Variants in STAB2 observed in about 807,000 individuals in gnomAD.
STAB2 encodes stabilin 2, also known as stabilin-2.
In STAB2, 288 loss-of-function variants were observed where a neutral mutation model predicts 338.1. That is an observed-to-expected ratio of 0.85 (90% CI 0.77 to 0.94). STAB2 has a LOEUF of 0.94. STAB2 is among the 40% of genes least tolerant of loss of function. The probability of loss-of-function intolerance (pLI) is 0.00; values close to 1 mark genes in which losing one functional copy is unlikely to be tolerated. For synonymous variants in STAB2, 1,202 were observed against 1,193.3 expected (o/e 1.01, Z -0.15); for missense variants, 3,141 against 3,210.1 (o/e 0.98, Z 0.52).
At chr12:103,651,409 G>A (rs1593183514) in intron 11 of STAB2, among the ~76,000 whole-genome samples, 2 of 151,768 alleles carry the variant, frequency 1.3e-5, no homozygotes, top group East Asian at 1.9e-4. Flanking sequence ...TGCCTTCCGG[G>A]TTCAAGCTAT....
intron 9 of STAB2, among the ~76,000 whole-genome samples, chr12:103,644,358 C>A (rs1449714035): frequency 1.3e-5 from 2 of 149,876 alleles, no homozygotes; most frequent in African/African-American, 4.9e-5. Flanking sequence ...GTCATCACCA[C>A]TCCCTAATCT....
At position 103,688,282 on chromosome 12, in the gene STAB2, T is replaced by C. The variant is rs1877615225; in HGVS notation, c.3045+67T>C. Reference sequence around the variant, plus strand: ...TTTTAGAAACTTGGAATGCATACAATAGAAAACCGAAAATGCAGCTGGTAA... The same window carrying C: ...TTTTAGAAACTTGGAATGCATACAACAGAAAACCGAAAATGCAGCTGGTAA... On this transcript the variant is annotated intron_variant, in intron 28 of 68. Coordinates refer to ENST00000388887, the MANE Select transcript of STAB2 (RefSeq NM_017564.10). 5 of 1,507,500 alleles carry C rather than the reference T, an allele frequency of 3.3e-6. No homozygotes were observed. The Admixed American group carries it at 8.4e-5, about 25-fold the overall frequency. 93.4% of individuals were successfully genotyped at this position (1,507,500 alleles called of 1,614,324 possible).
intron 60 of STAB2, 150 bp downstream of exon 60, chr12:103,750,870 C>A: frequency 9.1e-7 from 1 of 1,101,242 alleles, no homozygotes; most frequent in Non-Finnish European, 1.2e-6. Flanking sequence ...GCAGATGGAT[C>A]ACTTGAGGTC....
chr12:103,751,504 G>C (rs766129138), intron 60 of STAB2, among the ~76,000 whole-genome samples: 1 of 152,180 alleles, frequency 6.6e-6, no homozygotes, highest in Non-Finnish European at 1.5e-5. Context: ...AGCAGCTGGG[G>C]AGGGAAGGTG....
chr12:103,690,776 C>A (rs1272199106), intron 30 of STAB2, among the ~76,000 whole-genome samples: 5 of 152,128 alleles, frequency 3.3e-5, no homozygotes, highest in African/African-American at 1.2e-4. Flanking sequence ...ACTGATTGGC[C>A]ACAAGTCTTG....
intron 3 of STAB2, among the ~76,000 whole-genome samples, chr12:103,603,651 G>GTCC (rs1956986516): frequency 6.6e-6 from 1 of 152,126 alleles, no homozygotes; most frequent in African/African-American, 2.4e-5. Flanking sequence ...AGTAGTGTAA[G>GTCC]TCCTCCAACT....
Position 103,602,235 on chromosome 12 carries a change from T to C in STAB2, c.331+7725T>C, listed in dbSNP as rs539219604. ...TGTAACCAGTATGTACCTTTTTAAG[T>C]CTTGTTTCTTTCCCTTGGCATAATG... On this transcript the variant is annotated intron_variant, in intron 3 of 68. Coordinates refer to ENST00000388887, the MANE Select transcript of STAB2 (RefSeq NM_017564.10). Among the ~76,000 whole-genome samples, 4 of 152,336 alleles carry C rather than the reference T, an allele frequency of 2.6e-5. No individual in the cohort carries two copies. The South Asian group carries it at 8.3e-4, about 32-fold the overall frequency.
intron 52 of STAB2, among the ~76,000 whole-genome samples, chr12:103,736,396 A>G (rs577789446): frequency 6.6e-6 from 1 of 152,326 alleles, no homozygotes; most frequent in African/African-American, 2.4e-5. Flanking sequence ...TTCTGCATAC[A>G]TCTTATGACC....
At chr12:103,692,579 C>T (rs901308253) in intron 30 of STAB2, among the ~76,000 whole-genome samples, 3 of 151,212 alleles carry the variant, frequency 2.0e-5, no homozygotes, top group African/African-American at 7.3e-5. Flanking sequence ...TTTTCTTTCT[C>T]TCTCTCTCTC....
intron 6 of STAB2, among the ~76,000 whole-genome samples, chr12:103,634,734 C>T (rs894204504): frequency 3.9e-5 from 6 of 152,220 alleles, no homozygotes; most frequent in South Asian, 2.1e-4. Context: ...TCCTGGCTGG[C>T]GCCAGCTTCC....
chr12:103,683,898 CA>C (rs1593230942), intron 26 of STAB2, among the ~76,000 whole-genome samples: 3 of 152,126 alleles, frequency 2.0e-5, no homozygotes. Context: ...GCCTTAATCA[CA>C]GTGTTTGGAG....
intron 44 of STAB2, among the ~76,000 whole-genome samples, chr12:103,723,520 G>A (rs2139048613): frequency 6.6e-6 from 1 of 152,332 alleles, no homozygotes; most frequent in South Asian, 2.1e-4. Flanking sequence ...ATTTGGGTGG[G>A]AACACAGGCA....
Position 103,652,789 on chromosome 12 carries a change from G to A in STAB2, c.1407+84G>A, listed in dbSNP as rs1873843033. On this transcript the variant is annotated intron_variant, in intron 12 of 68. Transcript: ENST00000388887. The stretch of plus-strand genomic sequence containing the variant: ...TATCCTTCTCTCTCTTTTTGTTTGG[G>A]GTTTGTGAAAAATTACAAGGAAATT... The A allele has an allele frequency of 2.9e-6, 4 of 1,399,202 alleles. 1 individual carries two copies. In the South Asian group the frequency reaches 5.7e-5, roughly 20 times the overall value. 86.7% of individuals were successfully genotyped at this position (1,399,202 alleles called of 1,614,324 possible). A position where few individuals can be genotyped will look rare whatever the true frequency, so the allele number is the denominator to read the frequency against.
At chr12:103,633,204 C>G (rs1346743533) in intron 6 of STAB2, among the ~76,000 whole-genome samples, 1 of 152,128 alleles carries the variant, frequency 6.6e-6, no homozygotes, top group Non-Finnish European at 1.5e-5. Context: ...GCAGGAGACC[C>G]AGTCCAGAAG....
rs1441163535 is a variant in STAB2 at position 103,735,600 on chromosome 12, GT to G, written c.5550+21del. The stretch of plus-strand genomic sequence containing the variant: ...GACATCGTGAGTATCATCATGAAGG[GT>G]GGGCAGGGAGGGGTTAACACATTCA... On this transcript the variant is annotated intron_variant, in intron 52 of 68. Coordinates refer to ENST00000388887, the MANE Select transcript of STAB2 (RefSeq NM_017564.10). 2.7e-6 allele frequency: 4 copies of G among 1,479,956 alleles called. No individual in the cohort carries two copies. The highest frequency in any genetic ancestry group is 3.7e-6 in the Non-Finnish European group (4 of 1,070,566). 91.7% of individuals were successfully genotyped at this position (1,479,956 alleles called of 1,614,324 possible). A position where few individuals can be genotyped will look rare whatever the true frequency, so the allele number is the denominator to read the frequency against.
intron 3 of STAB2, among the ~76,000 whole-genome samples, chr12:103,602,644 A>AT (rs1395765304): frequency 6.6e-6 from 1 of 152,172 alleles, no homozygotes; most frequent in Non-Finnish European, 1.5e-5. Context: ...CTATAATCAG[A>AT]TTTTTTATAG....
chr12:103,754,345 T>C (rs949462519), intron 61 of STAB2, among the ~76,000 whole-genome samples: 4 of 152,120 alleles, frequency 2.6e-5, no homozygotes, highest in African/African-American at 9.7e-5. Context: ...TTAAAAGATC[T>C]GGAATAGTAG....
At chr12:103,654,332 G>A (rs1874012250) in intron 12 of STAB2, among the ~76,000 whole-genome samples, 1 of 152,206 alleles carries the variant, frequency 6.6e-6, no homozygotes, top group Non-Finnish European at 1.5e-5. Context: ...AGCATATATA[G>A]TTGTCAGTGC....
chr12:103,715,514 C>T (rs968421935), intron 42 of STAB2, among the ~76,000 whole-genome samples: 2 of 152,252 alleles, frequency 1.3e-5, no homozygotes, highest in Non-Finnish European at 1.5e-5. Flanking sequence ...AGATTAGACT[C>T]CAAGATTCTA....
Sources: gnomAD v4.1 joint callset for allele counts (sites outside exome capture counted in the v4.1 genomes callset) on GRCh38, gnomAD v4.1.1 for gene constraint, MANE v1.5 for transcripts, NCBI Gene and HGNC (gene_info 2026-07-23, HGNC 2026-07-21) for gene names.